The following BTBD9 variants were observed in gnomAD, a reference collection of about 807,000 sequenced individuals.
BTBD9 encodes BTB/POZ domain-containing protein 9.
A neutral mutation model predicts 64.3 loss-of-function variants in BTBD9; 49 were observed. The ratio of observed to expected loss-of-function variants is 0.76; its 90% CI spans 0.61 to 0.97. BTBD9 has a LOEUF of 0.97. Among genes scored for constraint, BTBD9 ranks in the 50% least tolerant of loss-of-function variants. The pLI is 0.00. For missense variants in BTBD9, 598 were observed against 762.1 expected (o/e 0.78, Z 2.53); for synonymous variants, 260 against 274.7 (o/e 0.95, Z 0.53).
chr6:38,537,383 C>T (rs1466384278), intron 6 of BTBD9, among the ~76,000 whole-genome samples: 1 of 152,188 alleles, frequency 6.6e-6, no homozygotes, highest in East Asian at 1.9e-4. Flanking sequence ...TTATTATCTT[C>T]CACAAATGGC....
intron 4 of BTBD9, among the ~76,000 whole-genome samples, chr6:38,584,672 C>T (rs951317121): frequency 6.6e-6 from 1 of 152,148 alleles, no homozygotes; most frequent in Non-Finnish European, 1.5e-5. Flanking sequence ...AATCTACTTA[C>T]CCAATTCTGT....
At chr6:38,412,447 C>G (rs1379829026) in intron 6 of BTBD9, among the ~76,000 whole-genome samples, 1 of 150,088 alleles carries the variant, frequency 6.7e-6, no homozygotes, top group African/African-American at 2.5e-5. Flanking sequence ...TGTAGGGAAA[C>G]AGGCCCTCTC....
At chr6:38,621,222 A>G (rs917337104) in intron 1 of BTBD9, among the ~76,000 whole-genome samples, 1 of 152,200 alleles carries the variant, frequency 6.6e-6, no homozygotes. Flanking sequence ...AAGGAAATTT[A>G]TGGCTATCAG....
rs201148601 is a variant in BTBD9, at chr6:38,488,261, A to AT, written c.1154+89338dup. On this transcript the variant is annotated intron_variant, in intron 6 of 10. Coordinates refer to ENST00000481247, the MANE Select transcript of BTBD9 (RefSeq NM_001099272.2). ...CCCTACAGGTTTAAGTGTCCAAGGG[A>AT]TTTTTTTTTTAATATCAACAACAAA... Among the ~76,000 whole-genome samples the AT allele has an allele frequency of 2.0e-3, 294 of 150,024 alleles. 4 individuals carry two copies. In the South Asian group the frequency reaches 0.02, roughly 10 times the overall value.
At chr6:38,326,265 G>A (rs1192095691) in intron 7 of BTBD9, among the ~76,000 whole-genome samples, 1 of 152,156 alleles carries the variant, frequency 6.6e-6, no homozygotes, top group Non-Finnish European at 1.5e-5. Context: ...TTTTTGAAAT[G>A]GAAAGGCCTG....
chr6:38,629,221 T>C (rs539364344), intron 1 of BTBD9, among the ~76,000 whole-genome samples: 146 of 152,260 alleles, frequency 9.6e-4, no homozygotes, highest in African/African-American at 3.5e-3. Context: ...ATTCAGCAAA[T>C]AGTCATCAAT....
At position 38,201,826 on chromosome 6, in the gene BTBD9, G is replaced by A. The variant is rs1342585340; in HGVS notation, c.1563-9229C>T. 2.0e-5 allele frequency among the ~76,000 whole-genome samples: 3 copies of A among 152,074 alleles called. No individual in the cohort carries two copies. The East Asian group carries it at 5.8e-4, about 29-fold the overall frequency. ...ACTAGCTAAGAAAGAAGTCAAGAAG[G>A]CAATCCCATTTACAATAGCTGCCAT... is the stretch of plus-strand genomic sequence containing the variant. On this transcript the variant is annotated intron_variant, in intron 9 of 10. Transcript: ENST00000481247.
intron 9 of BTBD9, among the ~76,000 whole-genome samples, chr6:38,222,254 G>GTTTTTTTTTTTTTTTT (rs771737210): frequency 5.2e-5 from 5 of 96,702 alleles, no homozygotes; most frequent in African/African-American, 8.1e-5. Flanking sequence ...AATTCATTCA[G>GTTTTTTTTTTTTTTTT]TTGTTTTTTT....
At chr6:38,233,776 T>C (rs1763689116) in intron 9 of BTBD9, among the ~76,000 whole-genome samples, 1 of 152,210 alleles carries the variant, frequency 6.6e-6, no homozygotes, top group East Asian at 1.9e-4. Flanking sequence ...CTTGTGAACC[T>C]GAATTCGGCT....
rs60618390 is a variant in BTBD9, at chr6:38,287,082, C to CAAAAAAAA, written c.1454+1182_1454+1189dup. ...GGGTGACAATAGTGAGGCTCCATCT[C>CAAAAAAAA]AAAAAAAAAAAAAAAAAAAAAAAAT... On this transcript the variant is annotated intron_variant, in intron 8 of 10. Transcript: ENST00000481247. Among the ~76,000 whole-genome samples, 89 of 25,360 alleles carry CAAAAAAAA rather than the reference C, an allele frequency of 3.5e-3. 17 individuals carry two copies. Among genetic ancestry groups the CAAAAAAAA allele is most frequent in the South Asian group, 0.017 (6 of 354 alleles). The allele number at this position is 25,360 out of a possible 152,430, so 16.6% of individuals were successfully genotyped here. A position where few individuals can be genotyped will look rare whatever the true frequency, so the allele number is the denominator to read the frequency against.
intron 8 of BTBD9, among the ~76,000 whole-genome samples, chr6:38,274,161 C>T (rs189392182): frequency 2.6e-5 from 4 of 152,288 alleles, no homozygotes; most frequent in African/African-American, 7.2e-5. Flanking sequence ...GGAGTTCACT[C>T]ATGATTTGGC....
intron 9 of BTBD9, among the ~76,000 whole-genome samples, chr6:38,236,373 G>T (rs771461651): frequency 2.6e-5 from 4 of 152,246 alleles, no homozygotes; most frequent in Admixed American, 1.3e-4. Flanking sequence ...AAGACTACTG[G>T]TCTGTGACAT....
At chr6:38,484,088 C>T (rs1445934463) in intron 6 of BTBD9, among the ~76,000 whole-genome samples, 1 of 152,160 alleles carries the variant, frequency 6.6e-6, no homozygotes, top group Non-Finnish European at 1.5e-5. Context: ...ACATTTTACT[C>T]AATGGATAAA....
intron 6 of BTBD9, among the ~76,000 whole-genome samples, chr6:38,435,803 G>C (rs907167590): frequency 1.3e-5 from 2 of 151,090 alleles, no homozygotes; most frequent in African/African-American, 4.9e-5. Flanking sequence ...CGAGTAGCTG[G>C]GATTACAGGT....
At position 38,322,308 on chromosome 6, in the gene BTBD9, T is replaced by C. The variant is rs570746850; in HGVS notation, c.1264+22676A>G. ...TAAACCTCCTGCTTAAAAATCCACATGCTCTTGCTCACTAATGTGACTATT... is the reference window on the plus strand; with the variant it reads ...TAAACCTCCTGCTTAAAAATCCACACGCTCTTGCTCACTAATGTGACTATT... On this transcript the variant is annotated intron_variant, in intron 7 of 10. Transcript: ENST00000481247. Among the ~76,000 whole-genome samples the C allele has an allele frequency of 1.5e-3, 232 of 152,292 alleles. 2 individuals carry two copies. The highest frequency in any genetic ancestry group is 0.011 in the South Asian group (53 of 4,822).
intron 6 of BTBD9, among the ~76,000 whole-genome samples, chr6:38,436,320 T>C (rs1339032815): frequency 6.6e-5 from 10 of 151,622 alleles, no homozygotes; most frequent in Non-Finnish European, 1.0e-4. Context: ...AGAAGGGCTA[T>C]AGAATCTTCT....
intron 6 of BTBD9, among the ~76,000 whole-genome samples, chr6:38,407,335 T>C (rs536667197): frequency 1.3e-5 from 2 of 152,300 alleles, no homozygotes; most frequent in South Asian, 2.1e-4. Flanking sequence ...TGAGGCCAAA[T>C]TGAAAGATCA....
chr6:38,634,710 C>T (rs921038679), intron 1 of BTBD9, among the ~76,000 whole-genome samples: 1 of 152,148 alleles, frequency 6.6e-6, no homozygotes, highest in African/African-American at 2.4e-5. Flanking sequence ...CCCCATGACT[C>T]ATCAGAGATA....
At chr6:38,215,320 C>A (rs1203272427) in intron 9 of BTBD9, among the ~76,000 whole-genome samples, 1 of 152,142 alleles carries the variant, frequency 6.6e-6, no homozygotes, top group Non-Finnish European at 1.5e-5. Flanking sequence ...TGTGTTCCTG[C>A]AGATCTGAAC....
Sources: allele counts gnomAD v4.1 joint callset (sites outside exome capture counted in the v4.1 genomes callset), GRCh38; gene constraint gnomAD v4.1.1; transcripts MANE v1.5; gene names NCBI Gene and HGNC (gene_info 2026-07-23, HGNC 2026-07-21).